Variants in TMEM131L observed in about 807,000 individuals in gnomAD.
The protein encoded by TMEM131L is transmembrane 131 like.
TMEM131L carries 54 observed loss-of-function variants against 192.2 expected under a neutral mutation model. The ratio of observed to expected loss-of-function variants is 0.28; its 90% CI spans 0.23 to 0.35. The LOEUF (loss-of-function observed/expected upper bound fraction) is 0.35. Among genes scored for constraint, TMEM131L ranks in the 10% least tolerant of loss-of-function variants. The probability of loss-of-function intolerance (pLI) is 1.00; values close to 1 mark genes in which losing one functional copy is unlikely to be tolerated. For missense variants in TMEM131L, 1,888 were observed against 1,972.9 expected, an observed-to-expected ratio of 0.96 and a Z score of 0.82; for synonymous variants, 701 against 704.9, an observed-to-expected ratio of 0.99 and a Z score of 0.09.
At chr4:153,546,214 CTT>C (rs539302643) in intron 3 of TMEM131L, among the ~76,000 whole-genome samples, 24 of 137,926 alleles carry the variant, frequency 1.7e-4, no homozygotes, top group African/African-American at 3.4e-4. Flanking sequence ...TAACTAGGAG[CTT>C]TTTTTTTTTT....
At chr4:153,585,037 C>A in intron 12 of TMEM131L, 106 bp downstream of exon 12, 2 of 895,532 alleles carry the variant, frequency 2.2e-6, no homozygotes, top group Non-Finnish European at 3.6e-6. Flanking sequence ...GATTCTCTCT[C>A]TCACTGGCCT....
At chr4:153,470,708 T>C (rs1331853249) in intron 2 of TMEM131L, among the ~76,000 whole-genome samples, 1 of 152,212 alleles carries the variant, frequency 6.6e-6, no homozygotes, top group Non-Finnish European at 1.5e-5. Context: ...CTTCTTACTT[T>C]GCCTTCAAAG....
rs780139550 is a variant in TMEM131L, at chr4:153,621,698, T to C, written c.3708T>C (p.Ser1236=). Residue 1236 remains serine (S), a synonymous_variant, in exon 28 of 35, where the codon AGT becomes AGC. Coordinates refer to ENST00000409959, the MANE Select transcript of TMEM131L (RefSeq NM_001131007.2). ...VAPVSRPPEQ[S]DLKLVCSDFE... ...TCTTTTCCAGGCCTCCTGAACAGAG[T>C]GATCTAAAGCTTGTGTGCAGTGACT... 1.2e-6 allele frequency: 2 copies of C among 1,613,932 alleles called. No homozygotes were observed. Among genetic ancestry groups the C allele is most frequent in the Admixed American group, 3.3e-5 (2 of 59,994 alleles).
chr4:153,537,834 T>C (rs1736459000), intron 3 of TMEM131L, among the ~76,000 whole-genome samples: 1 of 152,200 alleles, frequency 6.6e-6, no homozygotes, highest in Non-Finnish European at 1.5e-5. Flanking sequence ...CAAAAGCCTC[T>C]GACAAACCTG....
chr4:153,591,269 TC>T, intron 17 of TMEM131L, 75 bp downstream of exon 17: 1 of 1,397,254 alleles, frequency 7.2e-7, no homozygotes, highest in Non-Finnish European at 9.5e-7. Context: ...CCAGATTGTG[TC>T]CACCTTTAGC....
At chr4:153,479,629 A>G (rs990249493) in intron 3 of TMEM131L, among the ~76,000 whole-genome samples, 4 of 152,168 alleles carry the variant, frequency 2.6e-5, no homozygotes, top group African/African-American at 7.2e-5. Context: ...TACAATGTCT[A>G]TGAAAGTTTT....
At chr4:153,568,310 A>G (rs1395158880) in intron 7 of TMEM131L, among the ~76,000 whole-genome samples, 1 of 152,158 alleles carries the variant, frequency 6.6e-6, no homozygotes, top group Non-Finnish European at 1.5e-5. Context: ...TTTCAGACTC[A>G]GTGGAGTGTC....
Position 153,622,844 on chromosome 4 carries a change from T to C in TMEM131L, c.3860-54T>C, listed in dbSNP as rs1733534690. The C allele has an allele frequency of 3.8e-6, 6 of 1,558,570 alleles. No individual in the cohort carries two copies. The East Asian group carries it at 1.1e-4, about 29-fold the overall frequency. The stretch of plus-strand genomic sequence containing the variant: ...GTCACCTCTCTCTTTCTGTTAGAAA[T>C]GCATGAGGTTGACAGTTGTTTCAGG... On this transcript the variant is annotated intron_variant, in intron 28 of 34. Coordinates refer to ENST00000409959, the MANE Select transcript of TMEM131L (RefSeq NM_001131007.2).
intron 7 of TMEM131L, among the ~76,000 whole-genome samples, chr4:153,567,922 A>G (rs1395949152): frequency 6.6e-6 from 1 of 152,152 alleles, no homozygotes; most frequent in Non-Finnish European, 1.5e-5. Context: ...TTCCCTTGCT[A>G]TCTACCTAAG....
chr4:153,560,240 C>T lies in TMEM131L; in HGVS notation c.660+1872C>T, dbSNP rs180873273. Among the ~76,000 whole-genome samples the T allele has an allele frequency of 3.2e-3, 486 of 152,262 alleles. 6 individuals carry two copies. The highest frequency in any genetic ancestry group is 0.011 in the African/African-American group (456 of 41,548). On this transcript the variant is annotated intron_variant, in intron 7 of 34. Transcript: ENST00000409959. ...AATGGAAGCTCCATGAGAACAGGGA[C>T]CATCTGATTGAGCTTCCCGTTGTAC...
rs539234328 is a variant in TMEM131L, at chr4:153,539,651, G to C, written c.240-10422G>C. On this transcript the variant is annotated intron_variant, in intron 3 of 34. Coordinates refer to ENST00000409959, the MANE Select transcript of TMEM131L (RefSeq NM_001131007.2). ...GCTCGACTGTAACAGCTGCTGTGAA[G>C]CAGGAGGCTCCCTTGCTCCTGCCGG... is the stretch of plus-strand genomic sequence containing the variant. 3.3e-5 allele frequency among the ~76,000 whole-genome samples: 5 copies of C among 152,148 alleles called. No individual in the cohort carries two copies. The East Asian group carries it at 9.6e-4, about 29-fold the overall frequency.
At chr4:153,617,835 A>G (rs1251516003) in intron 26 of TMEM131L, among the ~76,000 whole-genome samples, 1 of 149,544 alleles carries the variant, frequency 6.7e-6, no homozygotes, top group African/African-American at 2.4e-5. Context: ...TTATTTTATG[A>G]TGGAATATTT....
chr4:153,598,792 G>T, intron 21 of TMEM131L, 60 bp downstream of exon 21: 2 of 1,319,186 alleles, frequency 1.5e-6, no homozygotes, highest in Non-Finnish European at 2.0e-6. Flanking sequence ...GAGAGTGAAA[G>T]GATTCTATAA....
chr4:153,620,738 T>A lies in TMEM131L; in HGVS notation c.3568-18T>A. The A allele has an allele frequency of 2.7e-6, 4 of 1,457,596 alleles. No homozygotes were observed. Among genetic ancestry groups the A allele is most frequent in the Non-Finnish European group, 2.8e-6 (3 of 1,067,712 alleles). 90.3% of individuals were successfully genotyped at this position (1,457,596 alleles called of 1,614,324 possible). On this transcript the variant is annotated intron_variant, in intron 26 of 34. Coordinates refer to ENST00000409959, the MANE Select transcript of TMEM131L (RefSeq NM_001131007.2). ...ATATTTAGTTTAAACCATTAAACAT[T>A]TACTTTCTCTTCTTTAGCAAGAAGA...
intron 29 of TMEM131L, among the ~76,000 whole-genome samples, chr4:153,623,509 G>C (rs1402400773): frequency 2.0e-5 from 3 of 152,080 alleles, no homozygotes; most frequent in Non-Finnish European, 2.9e-5. Context: ...ACTCTGCATT[G>C]CTCCCTCCCT....
chr4:153,494,930 G>A (rs1733059559), intron 3 of TMEM131L, among the ~76,000 whole-genome samples: 1 of 152,310 alleles, frequency 6.6e-6, no homozygotes, highest in South Asian at 2.1e-4. Flanking sequence ...TGCGTGATCC[G>A]GGGAAGTGTG....
chr4:153,606,467 A>T (rs557317736), intron 25 of TMEM131L, among the ~76,000 whole-genome samples: 1 of 152,338 alleles, frequency 6.6e-6, no homozygotes, highest in African/African-American at 2.4e-5. Context: ...AAAGGCATGG[A>T]TGAGAAATGT....
intron 3 of TMEM131L, among the ~76,000 whole-genome samples, chr4:153,521,825 T>C (rs138986081): frequency 6.6e-6 from 1 of 152,014 alleles, no homozygotes; most frequent in East Asian, 1.9e-4. Flanking sequence ...GCGTAATGTC[T>C]TCAAGATTTA....
chr4:153,621,845 G>A lies in TMEM131L; in HGVS notation c.3855G>A (p.Glu1285=), dbSNP rs921841296. The A allele has an allele frequency of 3.7e-6, 6 of 1,613,918 alleles. No individual in the cohort carries two copies. In the Admixed American group the frequency reaches 6.7e-5, roughly 18 times the overall value. Residue 1285 remains glutamate (E), a synonymous_variant, in exon 28 of 35, where the codon GAG becomes GAA. Transcript: ENST00000409959. ...IASSLPAAQR[E]AEGYYQKPEK... is the part of the protein sequence containing the mutation. ...GCAGTTTACCTGCTGCCCAGAGAGA[G>A]GCAGGTATGTAATGATACTGAGCTA...
Sources: gnomAD v4.1 joint callset for allele counts (sites outside exome capture counted in the v4.1 genomes callset) on GRCh38, gnomAD v4.1.1 for gene constraint, MANE v1.5 for transcripts, NCBI Gene and HGNC (gene_info 2026-07-23, HGNC 2026-07-21) for gene names.